PMPCA: variants seen among roughly 807,000 people sequenced by gnomAD.
PMPCA encodes mitochondrial-processing peptidase subunit alpha.
Under a neutral mutation model 59.3 loss-of-function variants are expected in PMPCA, and 47 were observed. The ratio of observed to expected loss-of-function variants is 0.79; its 90% CI spans 0.63 to 1.01. The LOEUF (loss-of-function observed/expected upper bound fraction) is 1.01, where lower values mean the gene tolerates loss of function less well. Among genes scored for constraint, PMPCA ranks in the 50% least tolerant of loss-of-function variants. The pLI is 0.00. For missense variants in PMPCA, 726 were observed against 704.5 expected (o/e 1.03, Z -0.34); for synonymous variants, 338 against 290.3 (o/e 1.16, Z -1.67).
At chr9:136,416,248 C>G in intron 5 of PMPCA, 43 bp from the exon 6 acceptor site, 1 of 1,398,564 alleles carries the variant, frequency 7.2e-7, no homozygotes, top group Non-Finnish European at 1.0e-6. Context: ...TTCCTCATCT[C>G]TGCCTGTGCA....
chr9:136,421,744 C>T lies in PMPCA; in HGVS notation c.1264-88C>T, dbSNP rs534223770. ...CCTTTCTTATGTTCAGCTTTGGGCA[C>T]AGAGATGGCGTTTTGCCATTGCTCG... On this transcript the variant is annotated intron_variant, in intron 11 of 12. Transcript: ENST00000371717. 3.9e-6 allele frequency: 5 copies of T among 1,275,690 alleles called. No individual in the cohort carries two copies. The African/African-American group carries it at 4.4e-5, about 11-fold the overall frequency. 79.0% of individuals were successfully genotyped at this position (1,275,690 alleles called of 1,614,324 possible).
intron 6 of PMPCA, 84 bp from the exon 7 acceptor site, chr9:136,416,867 G>C: frequency 2.2e-6 from 3 of 1,337,144 alleles, no homozygotes. Context: ...AGGGCTGGCT[G>C]CAGATGGGCG....
Position 136,418,009 on chromosome 9 carries a change from G to A in PMPCA, c.898-8G>A, listed in dbSNP as rs182330048. 6 of 1,604,692 alleles carry A rather than the reference G, an allele frequency of 3.7e-6. No individual in the cohort carries two copies. The highest frequency in any genetic ancestry group is 1.7e-4 in the Middle Eastern group (1 of 6,050). The stretch of plus-strand genomic sequence containing the variant: ...CATGGCGACACTTGCTTGTTTTCTT[G>A]GTTACAGCTAGAAAGAGACATGTCC... On this transcript the variant is annotated splice_polypyrimidine_tract_variant and splice_region_variant and intron_variant, in intron 7 of 12. Transcript: ENST00000371717.
intron 8 of PMPCA, among the ~76,000 whole-genome samples, chr9:136,418,326 G>T (rs1835342109): frequency 6.6e-6 from 1 of 150,438 alleles, no homozygotes; most frequent in Non-Finnish European, 1.5e-5. Context: ...CGGCGCTCGT[G>T]ACACAGCGTG....
Position 136,416,760 on chromosome 9 carries a change from T to C in PMPCA, c.634-191T>C, listed in dbSNP as rs1390611951. On this transcript the variant is annotated intron_variant, in intron 6 of 12. Transcript: ENST00000371717. The stretch of plus-strand genomic sequence containing the variant: ...AATTAATCTTAGGCTTTTTGTGAAT[T>C]TGTATTCTGGAGAGGCAGATTTTAC... 1.2e-5 allele frequency: 7 copies of C among 598,914 alleles called. No individual in the cohort carries two copies. In the East Asian group the frequency reaches 1.7e-4, roughly 14 times the overall value. 37.1% of individuals were successfully genotyped at this position (598,914 alleles called of 1,614,324 possible). A position where few individuals can be genotyped will look rare whatever the true frequency, so the allele number is the denominator to read the frequency against.
chr9:136,413,031 A>G, intron 4 of PMPCA, 139 bp downstream of exon 4: 3 of 662,188 alleles, frequency 4.5e-6, no homozygotes, highest in Non-Finnish European at 8.1e-6. Context: ...CTGGATGGAG[A>G]CTTGGGTGGA....
Position 136,423,076 on chromosome 9 carries a change from C to G in PMPCA, c.1409-19C>G. ...GGCCGTGGCGCGCTCGTGTGACACGCGTTTGCCCTCTGCACTAGGCAACGT... is the reference window on the plus strand; with the variant it reads ...GGCCGTGGCGCGCTCGTGTGACACGGGTTTGCCCTCTGCACTAGGCAACGT... On this transcript the variant is annotated intron_variant, in intron 12 of 12. Coordinates refer to ENST00000371717, the MANE Select transcript of PMPCA (RefSeq NM_015160.3). 1 of 1,604,890 alleles carries G rather than the reference C, an allele frequency of 6.2e-7. No homozygotes were observed. The highest frequency in any genetic ancestry group is 8.5e-7 in the Non-Finnish European group (1 of 1,176,626).
Position 136,421,903 on chromosome 9 carries a change from C to A in PMPCA, c.1335C>A (p.Ile445=). ...TGAACCTGGAATCCAGGCCTGTGAT[C>A]TTCGAGGATGTGGGGAGGCAGGTGC... ...LMMNLESRPV[I]FEDVGRQVLA... Residue 445 remains isoleucine, a synonymous_variant, in exon 12 of 13, where the codon ATC becomes ATA. Coordinates refer to ENST00000371717, the MANE Select transcript of PMPCA (RefSeq NM_015160.3). The A allele has an allele frequency of 6.2e-7, 1 of 1,612,058 alleles. No homozygotes were observed. The highest frequency in any genetic ancestry group is 8.5e-7 in the Non-Finnish European group (1 of 1,179,750).
rs764449742 is a variant in PMPCA, at chr9:136,421,883, C to T, written c.1315C>T (p.Leu439=). 1.2e-5 allele frequency: 19 copies of T among 1,610,708 alleles called. No homozygotes were observed. The South Asian group carries it at 2.1e-4, about 18-fold the overall frequency. The change falls in exon 12 of 13, where the codon CTG becomes TTG. Residue 439 remains leucine, a synonymous_variant. Transcript: ENST00000371717. ...TQLTSMLMMN[L]ESRPVIFEDV... Reference sequence around the variant, plus strand: ...GCTGACATCAATGCTCATGATGAACCTGGAATCCAGGCCTGTGATCTTCGA... The same window carrying T: ...GCTGACATCAATGCTCATGATGAACTTGGAATCCAGGCCTGTGATCTTCGA...
intron 12 of PMPCA, chr9:136,422,281 C>A: frequency 7.7e-7 from 1 of 1,295,566 alleles, no homozygotes; most frequent in Non-Finnish European, 1.0e-6. Context: ...AGTTAGTAGG[C>A]GAGAAGGGCT....
At position 136,417,204 on chromosome 9, in the gene PMPCA, G is replaced by T; in HGVS notation, c.887G>T (p.Gly296Val). 6.4e-7 allele frequency: 1 copy of T among 1,574,452 alleles called. No homozygotes were observed. Among genetic ancestry groups the T allele is most frequent in the Non-Finnish European group, 8.7e-7 (1 of 1,154,260 alleles). ...AGATCTGTGGCCCAGTACACTGGGGGGATTGCCAAGGTGAAGTAGCGGGAA... is the reference window on the plus strand; with the variant it reads ...AGATCTGTGGCCCAGTACACTGGGGTGATTGCCAAGGTGAAGTAGCGGGAA... ...IDRSVAQYTG[G>V]IAKLERDMSN... Residue 296 changes from glycine (G) to valine (V), a missense_variant, in exon 7 of 13, where the codon GGG becomes GTG. Physicochemically the swap from Gly to Val is moderately radical, Grantham distance 109. Transcript: ENST00000371717.
In PMPCA at chr9:136,416,359, C is replaced by T; in HGVS notation, c.601C>T (p.Pro201Ser). The T allele has an allele frequency of 6.2e-7, 1 of 1,613,376 alleles. No homozygotes were observed. The highest frequency in any genetic ancestry group is 8.5e-7 in the Non-Finnish European group (1 of 1,179,490). ...GGAGGACCTGAACCTGCGGCCTGAC[C>T]CAGAGCCACTTCTCACCGAGATGAT... ...ELEDLNLRPD[P>S]EPLLTEMIHE... The change falls in exon 6 of 13, where the codon CCA becomes TCA. Residue 201 changes from proline (P) to serine (S), a missense_variant. Coordinates refer to ENST00000371717, the MANE Select transcript of PMPCA (RefSeq NM_015160.3).
chr9:136,413,078 C>A, intron 4 of PMPCA, 186 bp downstream of exon 4: 1 of 544,144 alleles, frequency 1.8e-6, no homozygotes, highest in East Asian at 3.1e-5. Flanking sequence ...CCCAGGAGCT[C>A]AGTTGACCCC....
chr9:136,416,117 T>C (rs1390488012), intron 5 of PMPCA, 174 bp from the exon 6 acceptor site: 1 of 608,712 alleles, frequency 1.6e-6, no homozygotes, highest in Admixed American at 2.9e-5. Context: ...CTGCTCCCTG[T>C]AGCAGTCCCC....
chr9:136,417,954 C>T lies in PMPCA; in HGVS notation c.898-63C>T. 8.0e-6 allele frequency: 9 copies of T among 1,125,224 alleles called. No homozygotes were observed. The South Asian group carries it at 8.7e-5, about 11-fold the overall frequency. The allele number at this position is 1,125,224 out of a possible 1,614,324, so 69.7% of individuals were successfully genotyped here. Reference sequence around the variant, plus strand: ...GTAACCACTCTGAAGATGATCTCATCTGGGGTTTGCGAGCCCTCATTGTTT... The same window carrying T: ...GTAACCACTCTGAAGATGATCTCATTTGGGGTTTGCGAGCCCTCATTGTTT... On this transcript the variant is annotated intron_variant, in intron 7 of 12. Transcript: ENST00000371717.
chr9:136,418,963 A>T, intron 10 of PMPCA, 45 bp downstream of exon 10: 1 of 1,603,494 alleles, frequency 6.2e-7, no homozygotes, highest in Non-Finnish European at 8.5e-7. Context: ...TTGCCTGTCC[A>T]GACCTGGGCG....
In PMPCA at chr9:136,419,601, A is replaced by G. The variant is rs911802894; in HGVS notation, c.1263+495A>G. ...TTACCAATTTTTTTTTGTTCTTTTTAAGATGGAGTCTCACTGTCTCACCCA... is the reference window on the plus strand; with the variant it reads ...TTACCAATTTTTTTTTGTTCTTTTTGAGATGGAGTCTCACTGTCTCACCCA... On this transcript the variant is annotated intron_variant, in intron 11 of 12. Coordinates refer to ENST00000371717, the MANE Select transcript of PMPCA (RefSeq NM_015160.3). 7 of 190,586 alleles carry G rather than the reference A, an allele frequency of 3.7e-5. No homozygotes were observed. The South Asian group carries it at 6.7e-4, about 18-fold the overall frequency. 11.8% of individuals were successfully genotyped at this position (190,586 alleles called of 1,614,324 possible).
chr9:136,422,840 A>T (rs1267927186), intron 12 of PMPCA: 2 of 1,296,072 alleles, frequency 1.5e-6, no homozygotes, highest in African/African-American at 3.0e-5. Context: ...CTGTAAGTGT[A>T]ACTCTTCTTG....
chr9:136,418,341 G>A (rs533103805), intron 8 of PMPCA, among the ~76,000 whole-genome samples: 4 of 149,956 alleles, frequency 2.7e-5, no homozygotes, highest in African/African-American at 9.8e-5. Flanking sequence ...AGCGTGGGTG[G>A]CTCAGCTAGC....
Sources: allele counts gnomAD v4.1 joint callset (sites outside exome capture counted in the v4.1 genomes callset), GRCh38; gene constraint gnomAD v4.1.1; transcripts MANE v1.5; gene names NCBI Gene and HGNC (gene_info 2026-07-23, HGNC 2026-07-21).